Variants in RAD18 observed in about 807,000 individuals in gnomAD.
RAD18 encodes the protein RAD18 E3 ubiquitin protein ligase.
A neutral mutation model predicts 60.4 loss-of-function variants in RAD18; 47 were observed. The ratio of observed to expected loss-of-function variants is 0.78; its 90% confidence interval spans 0.62 to 0.99. The LOEUF is 0.99. Ranked by LOEUF, RAD18 falls within the 50% of genes least tolerant of loss-of-function variation. RAD18 has a pLI of 0.00. For synonymous variants in RAD18, 225 were observed against 195.5 expected, an observed-to-expected ratio of 1.15 and a Z score of -1.26; for missense variants, 640 against 593.3, an observed-to-expected ratio of 1.08 and a Z score of -0.82.
chr3:8,908,068 A>G (rs1940043084), intron 9 of RAD18, among the ~76,000 whole-genome samples: 1 of 152,160 alleles, frequency 6.6e-6, no homozygotes, highest in Non-Finnish European at 1.5e-5. Flanking sequence ...GTGAGTTAAA[A>G]TGTGGAATTG....
At chr3:8,924,195 C>G (rs1199771148) in intron 7 of RAD18, among the ~76,000 whole-genome samples, 2 of 151,196 alleles carry the variant, frequency 1.3e-5, no homozygotes, top group Non-Finnish European at 2.9e-5. Flanking sequence ...CACATAGGCT[C>G]AAAATAAAGG....
At chr3:8,894,470 C>CA (rs748776958) in intron 11 of RAD18, among the ~76,000 whole-genome samples, 112 of 151,910 alleles carry the variant, frequency 7.4e-4, no homozygotes, top group Admixed American at 2.0e-3. Flanking sequence ...GACAAACAAA[C>CA]AAAAAAAGCT....
chr3:8,936,102 G>T, intron 6 of RAD18, 47 bp from the exon 7 acceptor site: 1 of 1,386,560 alleles, frequency 7.2e-7, no homozygotes, highest in South Asian at 1.6e-5. Context: ...ATTATCAAAT[G>T]CTTTTCATGT....
intron 12 of RAD18, among the ~76,000 whole-genome samples, chr3:8,885,781 A>C (rs1025357795): frequency 6.6e-6 from 1 of 152,248 alleles, no homozygotes; most frequent in African/African-American, 2.4e-5. Context: ...GCATGCATGC[A>C]TGTTTCACAC....
At chr3:8,901,376 G>T (rs1260340149) in intron 10 of RAD18, among the ~76,000 whole-genome samples, 1 of 152,042 alleles carries the variant, frequency 6.6e-6, no homozygotes, top group Non-Finnish European at 1.5e-5. Context: ...TTATTTATAA[G>T]AACCAAAAGG....
intron 7 of RAD18, among the ~76,000 whole-genome samples, chr3:8,927,244 G>A (rs975675757): frequency 7.2e-5 from 11 of 152,194 alleles, no homozygotes; most frequent in Admixed American, 4.6e-4. Flanking sequence ...CAAAAAGTGG[G>A]TGAAGGATAC....
intron 6 of RAD18, 25 bp from the exon 7 acceptor site, chr3:8,936,080 T>C: frequency 6.9e-7 from 1 of 1,441,240 alleles, no homozygotes; most frequent in Non-Finnish European, 9.2e-7. Context: ...AGATACCTGA[T>C]GATTATTGTG....
intron 11 of RAD18, among the ~76,000 whole-genome samples, chr3:8,893,246 G>A (rs991269597): frequency 1.3e-5 from 2 of 152,010 alleles, no homozygotes; most frequent in African/African-American, 4.8e-5. Flanking sequence ...AGGAAAAAAC[G>A]CAAACATCTG....
intron 4 of RAD18, 104 bp from the exon 5 acceptor site, chr3:8,941,908 A>T: frequency 3.7e-6 from 4 of 1,074,514 alleles, no homozygotes; most frequent in Non-Finnish European, 5.3e-6. Context: ...TCTGAAATAC[A>T]GGACCTATAC....
chr3:8,888,917 T>A (rs1259867181), intron 12 of RAD18, among the ~76,000 whole-genome samples: 3 of 152,210 alleles, frequency 2.0e-5, no homozygotes, highest in African/African-American at 7.2e-5. Context: ...TCTGGGCTCA[T>A]AGTCACTGGT....
At chr3:8,961,470 C>A (rs1384170875) in intron 1 of RAD18, among the ~76,000 whole-genome samples, 1 of 152,128 alleles carries the variant, frequency 6.6e-6, no homozygotes, top group Admixed American at 6.5e-5. Flanking sequence ...AAAAATTTTA[C>A]AAATAACTTG....
In RAD18 at chr3:8,922,553, G is replaced by C. The variant is rs554277893; in HGVS notation, c.890-8833C>G. Among the ~76,000 whole-genome samples, 5 of 152,354 alleles carry C rather than the reference G, an allele frequency of 3.3e-5. No individual in the cohort carries two copies. The East Asian group carries it at 9.7e-4, about 29-fold the overall frequency. ...CAGGCTTAAATGTCCCTGTCTGACA[G>C]CTTGGAAGACAGCAGTGGTTCTTCC... On this transcript the variant is annotated intron_variant, in intron 7 of 12. Coordinates refer to ENST00000264926, the MANE Select transcript of RAD18 (RefSeq NM_020165.4).
chr3:8,919,853 T>A (rs112125017), intron 7 of RAD18, among the ~76,000 whole-genome samples: 3 of 13,872 alleles, frequency 2.2e-4, no homozygotes, highest in East Asian at 1.4e-3. Context: ...ATAATGGGGG[T>A]GTATGTCATG....
At chr3:8,923,851 G>C (rs1255310625) in intron 7 of RAD18, among the ~76,000 whole-genome samples, 1 of 152,160 alleles carries the variant, frequency 6.6e-6, no homozygotes, top group Non-Finnish European at 1.5e-5. Context: ...ATACTTTACA[G>C]ACAAGCAAAT....
rs898929912 is a variant in RAD18, at chr3:8,877,614, G to T, written c.*3743C>A. ...AACAAAATCCGTCCATTGCATGTTT[G>T]ATAGTGCCATGAACCTCTCTTTTGT... On this transcript the variant is annotated 3_prime_UTR_variant, in exon 13 of 13. Transcript: ENST00000264926. 9 of 152,208 alleles carry T rather than the reference G, an allele frequency of 5.9e-5. No individual in the cohort carries two copies. The highest frequency in any genetic ancestry group is 3.3e-4 in the Admixed American group (5 of 15,278). 9.4% of individuals were successfully genotyped at this position (152,208 alleles called of 1,614,324 possible). A position where few individuals can be genotyped will look rare whatever the true frequency, so the allele number is the denominator to read the frequency against.
At chr3:8,950,112 C>G (rs1940905047) in intron 2 of RAD18, among the ~76,000 whole-genome samples, 1 of 152,088 alleles carries the variant, frequency 6.6e-6, no homozygotes, top group Non-Finnish European at 1.5e-5. Flanking sequence ...CTCAATGCAA[C>G]CTCCGCCTCC....
At chr3:8,894,301 A>T (rs1236647947) in intron 11 of RAD18, among the ~76,000 whole-genome samples, 1 of 152,240 alleles carries the variant, frequency 6.6e-6, no homozygotes, top group African/African-American at 2.4e-5. Context: ...TAAAATGAAG[A>T]GAGCTTAAGA....
chr3:8,926,002 A>C (rs972917240), intron 7 of RAD18, among the ~76,000 whole-genome samples: 2 of 151,650 alleles, frequency 1.3e-5, no homozygotes, highest in Non-Finnish European at 3.0e-5. Context: ...AAACTGGCAC[A>C]AGACAGGGAT....
chr3:8,948,120 A>C (rs760892226), intron 3 of RAD18, among the ~76,000 whole-genome samples: 24 of 152,240 alleles, frequency 1.6e-4, no homozygotes, highest in Non-Finnish European at 2.5e-4. Flanking sequence ...GTAAGGGAAC[A>C]GATAGGCCGG....
Sources: gnomAD v4.1 joint callset for allele counts (sites outside exome capture counted in the v4.1 genomes callset) on GRCh38, gnomAD v4.1.1 for gene constraint, MANE v1.5 for transcripts, NCBI Gene and HGNC (gene_info 2026-07-23, HGNC 2026-07-21) for gene names.